CSMD1: variants seen among roughly 807,000 people sequenced by gnomAD.
The protein encoded by CSMD1 is CUB and sushi domain-containing protein 1.
In CSMD1, 213 loss-of-function variants were observed where a neutral mutation model predicts 417.5. The observed-to-expected ratio is 0.51, with a 90% CI of 0.46 to 0.57. CSMD1 has a LOEUF of 0.57. Ranked by LOEUF, CSMD1 falls within the 20% of genes least tolerant of loss-of-function variation. CSMD1 has a pLI of 0.00. For missense variants in CSMD1, 6,923 were observed against 4,529.7 expected (o/e 1.53, Z -15.17); for synonymous variants, 2,862 against 1,736.8 (o/e 1.65, Z -16.11).
intron 12 of CSMD1, among the ~76,000 whole-genome samples, chr8:3,413,108 A>T (rs1812919143): frequency 1.3e-5 from 2 of 152,174 alleles, no homozygotes; most frequent in South Asian, 4.1e-4. Flanking sequence ...TGGCCATGAG[A>T]ATTAAAGAAT....
At chr8:3,101,974 G>A (rs569928378) in intron 46 of CSMD1, among the ~76,000 whole-genome samples, 2 of 151,930 alleles carry the variant, frequency 1.3e-5, no homozygotes, top group South Asian at 2.1e-4. Flanking sequence ...GCTAATTTTT[G>A]TATTTTTAGT....
At chr8:3,632,045 C>G (rs960017076) in intron 7 of CSMD1, among the ~76,000 whole-genome samples, 3 of 152,200 alleles carry the variant, frequency 2.0e-5, no homozygotes, top group African/African-American at 7.2e-5. Flanking sequence ...GCATTATTTA[C>G]ATAAGAAAGT....
intron 3 of CSMD1, among the ~76,000 whole-genome samples, chr8:4,335,001 C>A (rs1800087926): frequency 6.6e-6 from 1 of 152,024 alleles, no homozygotes; most frequent in Admixed American, 6.6e-5. Context: ...AGCTCCGTTG[C>A]CTAAGTGATC....
intron 1 of CSMD1, among the ~76,000 whole-genome samples, chr8:4,892,713 T>A (rs951444796): frequency 6.6e-6 from 1 of 152,076 alleles, no homozygotes. Flanking sequence ...TACTGATATA[T>A]TGCTTTTAAC....
chr8:4,976,161 A>T (rs149849931), intron 1 of CSMD1, among the ~76,000 whole-genome samples: 73 of 152,258 alleles, frequency 4.8e-4, no homozygotes, highest in African/African-American at 1.4e-3. Context: ...TCCTAGAGGG[A>T]GCAGAGAGAC....
intron 46 of CSMD1, among the ~76,000 whole-genome samples, chr8:3,098,654 T>G (rs993360338): frequency 6.6e-6 from 1 of 152,198 alleles, no homozygotes; most frequent in Admixed American, 6.5e-5. Context: ...CCTCATCGCT[T>G]TGTAAAATAC....
Position 4,190,972 on chromosome 8 carries a change from A to C in CSMD1, c.416-158873T>G, listed in dbSNP as rs185810057. Among the ~76,000 whole-genome samples the C allele has an allele frequency of 4.4e-3, 662 of 151,932 alleles. 3 individuals carry two copies. Among genetic ancestry groups the C allele is most frequent in the African/African-American group, 0.015 (608 of 41,334 alleles). ...GGAGAGTGGGGGGGGCGGGGAAGGG[A>C]GAGGATCAGGACAAATGGATACTAG... On this transcript the variant is annotated intron_variant, in intron 3 of 69. Coordinates refer to ENST00000635120, the MANE Select transcript of CSMD1 (RefSeq NM_033225.6).
chr8:3,771,387 T>G (rs545322702), intron 5 of CSMD1, among the ~76,000 whole-genome samples: 1 of 152,034 alleles, frequency 6.6e-6, no homozygotes, highest in African/African-American at 2.4e-5. Flanking sequence ...GCAAAAAGAG[T>G]TTACAAAGGA....
chr8:3,979,702 C>T (rs562939135), intron 5 of CSMD1, among the ~76,000 whole-genome samples: 1 of 152,332 alleles, frequency 6.6e-6, no homozygotes, highest in East Asian at 1.9e-4. Context: ...GCAATGCGTA[C>T]CCAGAACTGA....
intron 2 of CSMD1, among the ~76,000 whole-genome samples, chr8:4,618,661 G>C (rs940563365): frequency 1.3e-5 from 2 of 152,050 alleles, no homozygotes; most frequent in African/African-American, 4.8e-5. Flanking sequence ...TTATTGACTG[G>C]ATTTCAATCA....
chr8:4,919,223 G>C (rs188151659), intron 1 of CSMD1, among the ~76,000 whole-genome samples: 178 of 152,234 alleles, frequency 1.2e-3, no homozygotes, highest in South Asian at 1.7e-3. Context: ...TTGTAATTTA[G>C]TCATAGCTAC....
chr8:4,425,560 G>C (rs558062072), intron 2 of CSMD1, among the ~76,000 whole-genome samples: 6 of 152,126 alleles, frequency 3.9e-5, no homozygotes, highest in Admixed American at 2.0e-4. Flanking sequence ...CTCACTCCTT[G>C]GTGGCTCACA....
chr8:4,276,057 G>A (rs1208393857), intron 3 of CSMD1, among the ~76,000 whole-genome samples: 1 of 152,194 alleles, frequency 6.6e-6, no homozygotes, highest in East Asian at 1.9e-4. Flanking sequence ...GTGGAAGACA[G>A]TGTGACGATT....
At chr8:4,926,039 C>A (rs1480908148) in intron 1 of CSMD1, among the ~76,000 whole-genome samples, 3 of 152,090 alleles carry the variant, frequency 2.0e-5, no homozygotes, top group Non-Finnish European at 4.4e-5. Flanking sequence ...CATAAACCAA[C>A]CTAAATAAAC....
chr8:4,832,664 A>G (rs1156276994), intron 1 of CSMD1, among the ~76,000 whole-genome samples: 1 of 152,216 alleles, frequency 6.6e-6, no homozygotes, highest in Admixed American at 6.5e-5. Flanking sequence ...ATATATTCTC[A>G]TATTTCTCAC....
At chr8:3,363,814 T>C (rs1016415699) in intron 20 of CSMD1, among the ~76,000 whole-genome samples, 1 of 152,200 alleles carries the variant, frequency 6.6e-6, no homozygotes, top group South Asian at 2.1e-4. Context: ...AGACACGTCG[T>C]AGCGAGTGGG....
intron 12 of CSMD1, among the ~76,000 whole-genome samples, chr8:3,427,260 C>T (rs1200897260): frequency 6.6e-6 from 1 of 152,080 alleles, no homozygotes; most frequent in African/African-American, 2.4e-5. Context: ...ATTTTCAAGG[C>T]CAGCCTACTT....
chr8:3,587,285 G>A (rs1230582615), intron 8 of CSMD1, among the ~76,000 whole-genome samples: 1 of 152,194 alleles, frequency 6.6e-6, no homozygotes, highest in East Asian at 1.9e-4. Context: ...ACACCACCCA[G>A]TTACTTCTTC....
intron 1 of CSMD1, among the ~76,000 whole-genome samples, chr8:4,949,286 G>A (rs1346836841): frequency 6.8e-6 from 1 of 146,250 alleles, no homozygotes; most frequent in African/African-American, 2.5e-5. Flanking sequence ...CTTTTCCTAT[G>A]GTATGCGTAG....
Sources: allele counts gnomAD v4.1 joint callset (sites outside exome capture counted in the v4.1 genomes callset), GRCh38; gene constraint gnomAD v4.1.1; transcripts MANE v1.5; gene names NCBI Gene and HGNC (gene_info 2026-07-23, HGNC 2026-07-21).